The following CENPP variants were observed in gnomAD, a reference collection of about 807,000 sequenced individuals.
The protein encoded by CENPP is centromere protein P.
CENPP carries 24 observed loss-of-function variants against 35.6 expected under a neutral mutation model. That is an observed-to-expected ratio of 0.67 (90% CI 0.49 to 0.95). CENPP has a LOEUF of 0.95. Ranked by LOEUF, CENPP falls within the 40% of genes least tolerant of loss-of-function variation. CENPP has a pLI of 0.00. For missense variants in CENPP, 332 were observed against 345.3 expected (o/e 0.96, Z 0.31); for synonymous variants, 120 against 125.5 (o/e 0.96, Z 0.29).
At chr9:92,517,546 T>C in intron 5 of CENPP, 1 of 1,112,540 alleles carries the variant, frequency 9.0e-7, no homozygotes, top group Admixed American at 2.1e-5. Context: ...ATATTTTCTA[T>C]GTTAATCAGC....
chr9:92,459,691 A>G (rs754369253), intron 5 of CENPP: 3 of 1,613,034 alleles, frequency 1.9e-6, no homozygotes, highest in East Asian at 2.2e-5. Context: ...TTGTTTTCCA[A>G]ATGTATTTCT....
At chr9:92,563,142 G>A (rs986993647) in intron 5 of CENPP, among the ~76,000 whole-genome samples, 5 of 152,168 alleles carry the variant, frequency 3.3e-5, no homozygotes, top group African/African-American at 7.2e-5. Context: ...GGAAATGACT[G>A]ACTTTTCTTT....
chr9:92,497,719 A>T lies in CENPP; in HGVS notation c.565-113595A>T, dbSNP rs144010813. ...GGTTTTTTTGACCCCTCCAAATCTC[A>T]TGTTGAAATTTGATCCCCAGTGTTG... On this transcript the variant is annotated intron_variant, in intron 5 of 7. Coordinates refer to ENST00000375587, the MANE Select transcript of CENPP (RefSeq NM_001012267.3). Among the ~76,000 whole-genome samples the T allele has an allele frequency of 1.4e-3, 210 of 151,530 alleles. No individual in the cohort carries two copies. In the East Asian group the frequency reaches 0.019, roughly 14 times the overall value.
chr9:92,494,122 T>C, intron 5 of CENPP: 1 of 1,597,972 alleles, frequency 6.3e-7, no homozygotes, highest in Non-Finnish European at 8.5e-7. Flanking sequence ...TGTTTGTCAC[T>C]GTCTCTAGAA....
At chr9:92,356,253 C>T (rs1643211076) in intron 4 of CENPP, among the ~76,000 whole-genome samples, 1 of 152,174 alleles carries the variant, frequency 6.6e-6, no homozygotes, top group Non-Finnish European at 1.5e-5. Context: ...CAAAGGCAGC[C>T]ACTATTCAAT....
chr9:92,460,175 C>T (rs1407984416), intron 5 of CENPP, among the ~76,000 whole-genome samples: 7 of 150,978 alleles, frequency 4.6e-5, no homozygotes. Flanking sequence ...GCTGGGATTA[C>T]AGGCGCCCTC....
intron 7 of CENPP, 43 bp downstream of exon 7, chr9:92,612,657 G>A: frequency 1.4e-6 from 2 of 1,403,990 alleles, no homozygotes; most frequent in Non-Finnish European, 2.0e-6. Context: ...TTCTCAACAT[G>A]CCCAGCAAAG....
chr9:92,572,879 A>T (rs1172825507), intron 5 of CENPP, among the ~76,000 whole-genome samples: 2 of 152,168 alleles, frequency 1.3e-5, no homozygotes, highest in African/African-American at 4.8e-5. Context: ...CACTTGATCA[A>T]ATCGGCTACT....
intron 1 of CENPP, among the ~76,000 whole-genome samples, chr9:92,326,526 C>T (rs1036901783): frequency 6.6e-6 from 1 of 152,102 alleles, no homozygotes; most frequent in African/African-American, 2.4e-5. Flanking sequence ...TGAAAAATAA[C>T]TTCGGTAAAA....
chr9:92,616,209 GA>G lies in CENPP; in HGVS notation c.*3062del. On this transcript the variant is annotated 3_prime_UTR_variant, in exon 8 of 8. Transcript: ENST00000375587. ...AGATAAATCAATCTCTTTTAAAAGA[GA>G]AGTGAATGGCCTCACACCCCAGCTC... The G allele has an allele frequency of 1.7e-6, 1 of 602,766 alleles. No homozygotes were observed. The highest frequency in any genetic ancestry group is 2.0e-5 in the South Asian group (1 of 50,346). 37.3% of individuals were successfully genotyped at this position (602,766 alleles called of 1,614,324 possible). A position where few individuals can be genotyped will look rare whatever the true frequency, so the allele number is the denominator to read the frequency against.
Position 92,619,675 on chromosome 9 carries a change from T to C in CENPP, c.*6526T>C, listed in dbSNP as rs778669556. The C allele has an allele frequency of 9.9e-6, 10 of 1,014,694 alleles. No homozygotes were observed. Among genetic ancestry groups the C allele is most frequent in the Non-Finnish European group, 1.3e-5 (9 of 671,218 alleles). 62.9% of individuals were successfully genotyped at this position (1,014,694 alleles called of 1,614,324 possible). Reference sequence around the variant, plus strand: ...GGGAACTGCTTCCTGCCTCAGAACCTGAGGGTGGGATTAGGAGCGAGGGCC... The same window carrying C: ...GGGAACTGCTTCCTGCCTCAGAACCCGAGGGTGGGATTAGGAGCGAGGGCC... On this transcript the variant is annotated 3_prime_UTR_variant, in exon 8 of 8. Coordinates refer to ENST00000375587, the MANE Select transcript of CENPP (RefSeq NM_001012267.3).
At chr9:92,408,957 A>G (rs937548050) in intron 5 of CENPP, among the ~76,000 whole-genome samples, 1 of 152,192 alleles carries the variant, frequency 6.6e-6, no homozygotes, top group Non-Finnish European at 1.5e-5. Flanking sequence ...TGTTTGTTCA[A>G]ACAAGAAATA....
intron 5 of CENPP, among the ~76,000 whole-genome samples, chr9:92,609,375 G>A (rs533377244): frequency 1.8e-4 from 28 of 152,206 alleles, no homozygotes; most frequent in African/African-American, 2.7e-4. Flanking sequence ...GGTTCAATCC[G>A]GCAAGTCTCT....
intron 5 of CENPP, among the ~76,000 whole-genome samples, chr9:92,390,415 ATTTT>A (rs561552569): frequency 8.3e-4 from 126 of 152,178 alleles, no homozygotes; most frequent in African/African-American, 2.7e-3. Context: ...GAATCATGTA[ATTTT>A]TTTTATTTTT....
intron 5 of CENPP, among the ~76,000 whole-genome samples, chr9:92,402,607 A>T (rs925608129): frequency 1.3e-5 from 2 of 152,244 alleles, no homozygotes; most frequent in African/African-American, 4.8e-5. Context: ...ATGATGTGGT[A>T]TAACGTCACC....
chr9:92,547,634 T>C (rs1053940374), intron 5 of CENPP, among the ~76,000 whole-genome samples: 10 of 152,180 alleles, frequency 6.6e-5, no homozygotes, highest in African/African-American at 1.9e-4. Context: ...GAAAGTACAT[T>C]AGTGGTTGCC....
intron 5 of CENPP, among the ~76,000 whole-genome samples, chr9:92,447,376 C>T (rs1186482930): frequency 6.6e-6 from 1 of 151,846 alleles, no homozygotes; most frequent in Non-Finnish European, 1.5e-5. Context: ...AGTAGATTCT[C>T]ATAAGGAGCA....
intron 5 of CENPP, among the ~76,000 whole-genome samples, chr9:92,550,684 C>T (rs1380026449): frequency 6.6e-6 from 1 of 152,080 alleles, no homozygotes; most frequent in African/African-American, 2.4e-5. Context: ...TGAAGTTTCA[C>T]ATATGATATT....
intron 5 of CENPP, among the ~76,000 whole-genome samples, chr9:92,595,484 A>T (rs1430297082): frequency 6.6e-6 from 1 of 151,326 alleles, no homozygotes; most frequent in African/African-American, 2.4e-5. Context: ...TCAAGCAATC[A>T]TCCGGCCTTA....
Sources: gnomAD v4.1 joint callset for allele counts (sites outside exome capture counted in the v4.1 genomes callset) on GRCh38, gnomAD v4.1.1 for gene constraint, MANE v1.5 for transcripts, NCBI Gene and HGNC (gene_info 2026-07-23, HGNC 2026-07-21) for gene names.